The following TTC28 variants were observed in gnomAD, a reference collection of about 807,000 sequenced individuals.
TTC28 encodes the protein tetratricopeptide repeat domain 28.
TTC28 carries 61 observed loss-of-function variants against 198.0 expected under a neutral mutation model. That is an observed-to-expected ratio of 0.31 (90% CI 0.25 to 0.38). The LOEUF (loss-of-function observed/expected upper bound fraction) is 0.38. TTC28 is among the 10% of genes least tolerant of loss of function. TTC28 has a pLI of 1.00. For missense variants in TTC28, 2,678 were observed against 3,164.0 expected (o/e 0.85, Z 3.69); for synonymous variants, 1,171 against 1,297.8 (o/e 0.90, Z 2.10).
At chr22:28,336,500 T>C (rs2045721645) in intron 2 of TTC28, among the ~76,000 whole-genome samples, 1 of 152,200 alleles carries the variant, frequency 6.6e-6, no homozygotes, top group Non-Finnish European at 1.5e-5. Flanking sequence ...CTATTAATTA[T>C]TGCCTCAATT....
At chr22:28,342,634 G>A (rs1293949398) in intron 2 of TTC28, among the ~76,000 whole-genome samples, 1 of 152,110 alleles carries the variant, frequency 6.6e-6, no homozygotes, top group East Asian at 1.9e-4. Context: ...AAAAACGGTG[G>A]TATATGAAAT....
chr22:28,383,161 T>G (rs1004162224), intron 2 of TTC28, among the ~76,000 whole-genome samples: 1 of 152,236 alleles, frequency 6.6e-6, no homozygotes, highest in African/African-American at 2.4e-5. Flanking sequence ...GTTCATTCAC[T>G]GGCCATTATT....
chr22:28,486,381 T>A (rs1433854420), intron 2 of TTC28, among the ~76,000 whole-genome samples: 1 of 152,148 alleles, frequency 6.6e-6, no homozygotes, highest in Non-Finnish European at 1.5e-5. Context: ...AGCTGCACAC[T>A]GAGATGAATT....
At chr22:28,469,437 G>A (rs1163087001) in intron 2 of TTC28, among the ~76,000 whole-genome samples, 1 of 152,136 alleles carries the variant, frequency 6.6e-6, no homozygotes, top group Non-Finnish European at 1.5e-5. Context: ...AGTTTATATG[G>A]CAAGAGGTAC....
At chr22:28,010,570 T>C (rs1410781263) in intron 14 of TTC28, among the ~76,000 whole-genome samples, 1 of 152,164 alleles carries the variant, frequency 6.6e-6, no homozygotes, top group African/African-American at 2.4e-5. Context: ...GCCGCCACAA[T>C]AGTCACTGCC....
At chr22:27,986,706 C>A (rs975396993) in intron 21 of TTC28, among the ~76,000 whole-genome samples, 1 of 152,158 alleles carries the variant, frequency 6.6e-6, no homozygotes, top group African/African-American at 2.4e-5. Context: ...AAAGGAGAAA[C>A]CCCTCCGTCT....
At chr22:28,179,010 A>T (rs1923444921) in intron 5 of TTC28, among the ~76,000 whole-genome samples, 1 of 152,162 alleles carries the variant, frequency 6.6e-6, no homozygotes, top group African/African-American at 2.4e-5. Flanking sequence ...AAGCGACATG[A>T]CCATTTGTAC....
At chr22:28,398,025 C>T (rs1457727761) in intron 2 of TTC28, among the ~76,000 whole-genome samples, 1 of 152,192 alleles carries the variant, frequency 6.6e-6, no homozygotes, top group Non-Finnish European at 1.5e-5. Context: ...CCCCAAGAGC[C>T]TAGTTCAGAT....
chr22:28,096,330 G>A lies in TTC28; in HGVS notation c.3626C>T (p.Thr1209Ile), dbSNP rs1941971443. The change falls in exon 11 of 23, where the codon ACA becomes ATA. Residue 1209 changes from threonine (T) to isoleucine (I), a missense_variant. Thr to Ile is a moderately conservative substitution (Grantham distance 89). This residue lies in a region of TTC28 where 727 missense variants were observed against 861.9 expected (regional missense o/e 0.84). Transcript: ENST00000397906. ...GTAGGGGTCGGAGTCTTGTTGTCCT[G>A]TTTGTCGTTCCACCAGAAGATCAGC... is the stretch of plus-strand genomic sequence containing the variant. ...AFADLLVERQ[T>I]GQQDSDPYSP... is the part of the protein sequence containing the mutation. The A allele has an allele frequency of 3.2e-6, 5 of 1,552,050 alleles. No homozygotes were observed. Among genetic ancestry groups the A allele is most frequent in the Non-Finnish European group, 4.4e-6 (5 of 1,147,076 alleles).
chr22:28,532,206 A>G (rs1309244469), intron 2 of TTC28, among the ~76,000 whole-genome samples: 1 of 152,200 alleles, frequency 6.6e-6, no homozygotes, highest in Non-Finnish European at 1.5e-5. Flanking sequence ...TAGACACAAT[A>G]AAAAATGATA....
chr22:28,148,353 C>T (rs1237215516), intron 6 of TTC28, among the ~76,000 whole-genome samples: 1 of 152,202 alleles, frequency 6.6e-6, no homozygotes, highest in African/African-American at 2.4e-5. Flanking sequence ...GTGGCTCATG[C>T]CTGTAATCCC....
intron 2 of TTC28, among the ~76,000 whole-genome samples, chr22:28,467,069 T>C (rs2048032231): frequency 6.6e-6 from 1 of 152,212 alleles, no homozygotes. Flanking sequence ...TAATCCACAC[T>C]AATAACTGGA....
At chr22:28,516,778 CTCA>C (rs2048796796) in intron 2 of TTC28, among the ~76,000 whole-genome samples, 1 of 151,916 alleles carries the variant, frequency 6.6e-6, no homozygotes, top group Admixed American at 6.6e-5. Context: ...AACAAGAATA[CTCA>C]TCATCACAAA....
At chr22:28,528,184 T>G (rs2049046538) in intron 2 of TTC28, among the ~76,000 whole-genome samples, 2 of 152,206 alleles carry the variant, frequency 1.3e-5, no homozygotes, top group African/African-American at 4.8e-5. Context: ...TTTAAAATGA[T>G]TATCTTTTCT....
intron 13 of TTC28, chr22:28,028,996 C>T (rs1160225135): frequency 2.1e-6 from 1 of 471,136 alleles, no homozygotes; most frequent in Non-Finnish European, 4.4e-6. Flanking sequence ...TCTAGTTTAT[C>T]ACCACAGCCT....
rs534530736 is a variant in TTC28 at position 28,495,264 on chromosome 22, C to A, written c.381+134288G>T. Among the ~76,000 whole-genome samples the A allele has an allele frequency of 4.6e-5, 7 of 152,108 alleles. No individual in the cohort carries two copies. The East Asian group carries it at 1.4e-3, about 29-fold the overall frequency. ...GCACAAATGATGAAAATAGAGCCTC[C>A]CTAGAGCATACTGTTACATTTCAGA... is the stretch of plus-strand genomic sequence containing the variant. On this transcript the variant is annotated intron_variant, in intron 2 of 22. Coordinates refer to ENST00000397906, the MANE Select transcript of TTC28 (RefSeq NM_001145418.2).
intron 2 of TTC28, among the ~76,000 whole-genome samples, chr22:28,620,277 G>A (rs1306484794): frequency 6.6e-6 from 1 of 151,454 alleles, no homozygotes; most frequent in East Asian, 1.9e-4. Context: ...TTGAACCAGA[G>A]AGGCAGAGGT....
chr22:27,986,889 A>G (rs1435737624), intron 21 of TTC28, among the ~76,000 whole-genome samples: 1 of 152,232 alleles, frequency 6.6e-6, no homozygotes, highest in African/African-American at 2.4e-5. Flanking sequence ...AGAACTCAGC[A>G]TTAAAAACCA....
intron 2 of TTC28, among the ~76,000 whole-genome samples, chr22:28,341,683 G>A (rs934825849): frequency 1.3e-5 from 2 of 151,928 alleles, no homozygotes; most frequent in African/African-American, 2.4e-5. Context: ...CCAGCTACTC[G>A]GGAGGTTGAG....
Sources: gnomAD v4.1 joint callset for allele counts (sites outside exome capture counted in the v4.1 genomes callset) on GRCh38, gnomAD v4.1.1 for gene constraint, gnomAD v4.1.1 regional missense constraint, MANE v1.5 for transcripts, NCBI Gene and HGNC (gene_info 2026-07-23, HGNC 2026-07-21) for gene names.